UGGT2: variants seen among roughly 807,000 people sequenced by gnomAD.
UGGT2 encodes the protein UDP-glucose:glycoprotein glucosyltransferase 2.
UGGT2 carries 180 observed loss-of-function variants against 192.1 expected under a neutral mutation model. The ratio of observed to expected loss-of-function variants is 0.94; its 90% CI spans 0.83 to 1.06. The LOEUF is 1.06. Among genes scored for constraint, UGGT2 ranks in the 50% least tolerant of loss-of-function variants. The pLI, the probability that UGGT2 is intolerant of heterozygous loss-of-function variation, is 0.00. For missense variants in UGGT2, 1,849 were observed against 1,795.7 expected (o/e 1.03, Z -0.54); for synonymous variants, 580 against 591.0 (o/e 0.98, Z 0.27).
intron 38 of UGGT2, among the ~76,000 whole-genome samples, chr13:95,824,410 T>C (rs1885803624): frequency 1.3e-5 from 2 of 150,498 alleles, no homozygotes; most frequent in South Asian, 2.1e-4. Flanking sequence ...CCTTCTCTTC[T>C]TCCTCAGGAA....
intron 38 of UGGT2, among the ~76,000 whole-genome samples, chr13:95,814,719 G>C (rs1013301484): frequency 6.6e-6 from 1 of 152,074 alleles, no homozygotes; most frequent in Non-Finnish European, 1.5e-5. Flanking sequence ...AATCTCCTTT[G>C]ACTTCAACTC....
chr13:95,915,315 C>G (rs1175801689), intron 20 of UGGT2, among the ~76,000 whole-genome samples: 1 of 152,038 alleles, frequency 6.6e-6, no homozygotes, highest in Non-Finnish European at 1.5e-5. Context: ...TTTCCCTTAC[C>G]CAGTTCTTTT....
At chr13:95,977,141 C>A (rs965866235) in intron 10 of UGGT2, among the ~76,000 whole-genome samples, 1 of 152,178 alleles carries the variant, frequency 6.6e-6, no homozygotes, top group Non-Finnish European at 1.5e-5. Context: ...CAGGCATGGG[C>A]AAAGACTTCA....
chr13:95,804,510 A>C (rs542259095), intron 38 of UGGT2, among the ~76,000 whole-genome samples: 30 of 152,334 alleles, frequency 2.0e-4, no homozygotes, highest in African/African-American at 6.5e-4. Flanking sequence ...ATTGTGAAAA[A>C]GAATGAAGTT....
chr13:95,922,153 G>A (rs1198348474), intron 20 of UGGT2, among the ~76,000 whole-genome samples: 1 of 152,242 alleles, frequency 6.6e-6, no homozygotes. Flanking sequence ...GTCCTTCGCA[G>A]CAACATTGGC....
At position 95,832,746 on chromosome 13, in the gene UGGT2, T is replaced by C. The variant is rs141034928; in HGVS notation, c.4528+181A>G. On this transcript the variant is annotated intron_variant, in intron 38 of 38. Transcript: ENST00000376747. Reference sequence around the variant, plus strand: ...AAGCTGTATCCATGGGGAAACAGATTATCTATGTTTTAAACTTGTAAGCTT... The same window carrying C: ...AAGCTGTATCCATGGGGAAACAGATCATCTATGTTTTAAACTTGTAAGCTT... 2,957 of 838,286 alleles carry C rather than the reference T, an allele frequency of 3.5e-3. 57 individuals carry two copies. In the African/African-American group the frequency reaches 0.045, roughly 13 times the overall value. 51.9% of individuals were successfully genotyped at this position (838,286 alleles called of 1,614,324 possible). A position where few individuals can be genotyped will look rare whatever the true frequency, so the allele number is the denominator to read the frequency against.
At chr13:95,909,770 TAATAATAATAAA>T (rs1467645116) in intron 20 of UGGT2, among the ~76,000 whole-genome samples, 33 of 62,634 alleles carry the variant, frequency 5.3e-4, no homozygotes, top group Non-Finnish European at 8.9e-4. Context: ...ATAATAATAA[TAATAATAATAAA>T]AAAGATTCCT....
rs545932044 is a variant in UGGT2 at position 95,940,144 on chromosome 13, CT to C, written c.1678-54del. The stretch of plus-strand genomic sequence containing the variant: ...TTTTCTTCTTATAGCAATTAGTTTT[CT>C]TTTTTTTCCTTAGCATGCAGATAGA... On this transcript the variant is annotated intron_variant, in intron 15 of 38. Coordinates refer to ENST00000376747, the MANE Select transcript of UGGT2 (RefSeq NM_020121.4). 2.3e-4 allele frequency: 298 copies of C among 1,307,682 alleles called. 2 individuals are homozygous for C. Among genetic ancestry groups the C allele is most frequent in the South Asian group, 1.7e-3 (100 of 59,518 alleles). The allele number at this position is 1,307,682 out of a possible 1,614,324, so 81.0% of individuals were successfully genotyped here.
chr13:96,034,879 A>G (rs1370301889), intron 1 of UGGT2, among the ~76,000 whole-genome samples: 1 of 152,176 alleles, frequency 6.6e-6, no homozygotes, highest in African/African-American at 2.4e-5. Context: ...CCCCCTTGGC[A>G]GGTGTGGGAT....
chr13:96,013,119 T>C (rs2052216708), intron 5 of UGGT2, among the ~76,000 whole-genome samples, 188 bp downstream of exon 5: 1 of 152,080 alleles, frequency 6.6e-6, no homozygotes, highest in African/African-American at 2.4e-5. Flanking sequence ...CAAAGAATTA[T>C]AGACATCATA....
chr13:95,990,107 T>C, intron 7 of UGGT2, 34 bp from the exon 8 acceptor site: 1 of 1,409,386 alleles, frequency 7.1e-7, no homozygotes, highest in Non-Finnish European at 9.8e-7. Flanking sequence ...TTAAGTAGCA[T>C]CACCTATCAC....
At chr13:95,924,864 T>TG (rs984785818) in intron 20 of UGGT2, among the ~76,000 whole-genome samples, 1 of 152,224 alleles carries the variant, frequency 6.6e-6, no homozygotes, top group African/African-American at 2.4e-5. Context: ...CTTGTCCTCC[T>TG]GCTCCAGTGA....
At chr13:95,892,313 C>A (rs1276261084) in intron 24 of UGGT2, among the ~76,000 whole-genome samples, 2 of 152,094 alleles carry the variant, frequency 1.3e-5, no homozygotes, top group Non-Finnish European at 2.9e-5. Context: ...GTAGATAGTA[C>A]ACTGACTAAC....
intron 38 of UGGT2, among the ~76,000 whole-genome samples, chr13:95,829,272 C>A (rs1273307888): frequency 2.0e-5 from 3 of 152,144 alleles, no homozygotes; most frequent in African/African-American, 7.2e-5. Context: ...GACAGGGATG[C>A]CCTCTCTCGC....
chr13:95,860,933 T>C lies in UGGT2; in HGVS notation c.3645-50A>G, dbSNP rs34859372. On this transcript the variant is annotated intron_variant, in intron 31 of 38. Coordinates refer to ENST00000376747, the MANE Select transcript of UGGT2 (RefSeq NM_020121.4). ...TTTCTTAAACATACATATGGAAACATTGTATGCCTAAATAGTAAATATAAG... is the reference window on the plus strand; with the variant it reads ...TTTCTTAAACATACATATGGAAACACTGTATGCCTAAATAGTAAATATAAG... 401,992 of 1,119,724 alleles carry C rather than the reference T, an allele frequency of 0.36. 73,938 individuals carry two copies. Among genetic ancestry groups the C allele is most frequent in the Admixed American group, 0.41 (16,186 of 39,838 alleles). The allele number at this position is 1,119,724 out of a possible 1,614,324, so 69.4% of individuals were successfully genotyped here. A position where few individuals can be genotyped will look rare whatever the true frequency, so the allele number is the denominator to read the frequency against.
intron 20 of UGGT2, among the ~76,000 whole-genome samples, chr13:95,912,634 C>G (rs553743032): frequency 1.3e-5 from 2 of 152,254 alleles, no homozygotes; most frequent in South Asian, 4.1e-4. Context: ...GATAGGAAGA[C>G]TCAATATCAT....
intron 29 of UGGT2, among the ~76,000 whole-genome samples, chr13:95,871,018 A>C (rs563385776): frequency 6.6e-6 from 1 of 152,364 alleles, no homozygotes; most frequent in Admixed American, 6.5e-5. Flanking sequence ...GAACCAATAA[A>C]TTTGCTCAGT....
chr13:95,877,095 G>A, intron 29 of UGGT2, 184 bp downstream of exon 29: 2 of 446,728 alleles, frequency 4.5e-6, no homozygotes, highest in Non-Finnish European at 7.8e-6. Context: ...TGTTGGCCAG[G>A]CAGGTCTTGA....
chr13:96,005,915 A>G (rs2051958870), intron 5 of UGGT2, among the ~76,000 whole-genome samples: 2 of 152,136 alleles, frequency 1.3e-5, no homozygotes, highest in African/African-American at 4.8e-5. Flanking sequence ...CAAACGTGAA[A>G]CCCAACCCAA....
Sources: gnomAD v4.1 joint callset for allele counts (sites outside exome capture counted in the v4.1 genomes callset) on GRCh38, gnomAD v4.1.1 for gene constraint, MANE v1.5 for transcripts, NCBI Gene and HGNC (gene_info 2026-07-23, HGNC 2026-07-21) for gene names.